ZNF484: variants seen among roughly 807,000 people sequenced by gnomAD.
ZNF484 encodes KRAB box containing C2H2 type zinc finger bA526D8.4.
A neutral mutation model predicts 12.9 loss-of-function variants in ZNF484; 11 were observed. That is an observed-to-expected ratio of 0.85 (90% confidence interval 0.54 to 1.41). The LOEUF (loss-of-function observed/expected upper bound fraction) is 1.41, where lower values mean the gene tolerates loss of function less well. Ranked by LOEUF, ZNF484 falls within the 40% of genes most tolerant of loss-of-function variation. The probability of loss-of-function intolerance (pLI) is 0.00; values close to 1 mark genes in which losing one functional copy is unlikely to be tolerated. For missense variants in ZNF484, 807 were observed against 1,007.7 expected (o/e 0.80, Z 2.70); for synonymous variants, 289 against 334.1 (o/e 0.86, Z 1.47).
chr9:92,868,063 G>A (rs1392732268), intron 2 of ZNF484, among the ~76,000 whole-genome samples: 2 of 152,210 alleles, frequency 1.3e-5, no homozygotes, highest in East Asian at 1.9e-4. Flanking sequence ...GTATTCTTTG[G>A]CCTTAAAACA....
rs1857936691 is a variant in ZNF484, at chr9:92,877,905, G to A, written c.-46C>T. On this transcript the variant is annotated 5_prime_UTR_variant, in exon 1 of 5. The change creates a new upstream start codon in the 5' untranslated region. Transcript: ENST00000375495. ...CTCTACTCACCTGCCCCTCACCCAC[G>A]TCCTCTCAGGACAGTGGTCATTTGC... is the stretch of plus-strand genomic sequence containing the variant. 1 of 1,529,602 alleles carries A rather than the reference G, an allele frequency of 6.5e-7. No individual in the cohort carries two copies. The highest frequency in any genetic ancestry group is 8.8e-7 in the Non-Finnish European group (1 of 1,141,492). 94.8% of individuals were successfully genotyped at this position (1,529,602 alleles called of 1,614,324 possible).
At chr9:92,853,533 A>G (rs1339792778) in intron 4 of ZNF484, among the ~76,000 whole-genome samples, 5 of 152,214 alleles carry the variant, frequency 3.3e-5, no homozygotes, top group South Asian at 2.1e-4. Context: ...CCATGAGCCA[A>G]TTATCACTCA....
At chr9:92,858,652 G>A (rs1856605123) in intron 2 of ZNF484, among the ~76,000 whole-genome samples, 2 of 152,140 alleles carry the variant, frequency 1.3e-5, no homozygotes, top group Admixed American at 6.6e-5. Context: ...GAATTAAAGT[G>A]TTTTATAAAG....
chr9:92,866,003 T>A (rs113823144), intron 2 of ZNF484, among the ~76,000 whole-genome samples: 1,792 of 152,342 alleles, frequency 0.012, 18 homozygotes, highest in Non-Finnish European at 0.019. Flanking sequence ...TAAAAATAAA[T>A]GAAAATAAAA....
At chr9:92,868,903 T>G (rs1465344303) in intron 2 of ZNF484, among the ~76,000 whole-genome samples, 1 of 152,148 alleles carries the variant, frequency 6.6e-6, no homozygotes, top group African/African-American at 2.4e-5. Context: ...TTTATTTATT[T>G]TTGTAAGAAA....
At chr9:92,863,750 G>A (rs748002140) in intron 2 of ZNF484, among the ~76,000 whole-genome samples, 2 of 152,172 alleles carry the variant, frequency 1.3e-5, no homozygotes, top group Non-Finnish European at 2.9e-5. Context: ...CTTATGTTTT[G>A]CACATATTGA....
At chr9:92,849,834 C>T (rs544346635) in intron 4 of ZNF484, among the ~76,000 whole-genome samples, 3 of 151,766 alleles carry the variant, frequency 2.0e-5, no homozygotes, top group South Asian at 4.2e-4. Context: ...CAGGGTCTCA[C>T]TCTGTTGCTC....
intron 1 of ZNF484, among the ~76,000 whole-genome samples, chr9:92,877,338 C>T (rs773288469): frequency 1.2e-4 from 18 of 151,788 alleles, no homozygotes; most frequent in South Asian, 2.1e-4. Flanking sequence ...AACAGATAAA[C>T]CTTTCAGACG....
intron 2 of ZNF484, among the ~76,000 whole-genome samples, chr9:92,871,796 A>G (rs1857447683): frequency 6.6e-6 from 1 of 152,246 alleles, no homozygotes; most frequent in Non-Finnish European, 1.5e-5. Flanking sequence ...GAAATTGTGA[A>G]TATGTTAGGT....
Position 92,847,523 on chromosome 9 carries a change from T to A in ZNF484, c.1264A>T (p.Ile422Phe), listed in dbSNP as rs761030688. The A allele has an allele frequency of 6.2e-7, 1 of 1,613,476 alleles. No individual in the cohort carries two copies. Among genetic ancestry groups the A allele is most frequent in the Admixed American group, 1.7e-5 (1 of 59,906 alleles). ...TGTGTGATAAAATGTGACTTCCGGA[T>A]AAAGGCCTTCCCACATTCAGTACAT... ...YVCTECGKAFIRKSHFITHER... is the reference protein window; with the variant it reads ...YVCTECGKAFFRKSHFITHER... Residue 422 changes from isoleucine (I) to phenylalanine (F), a missense_variant, in exon 5 of 5, where the codon ATC (isoleucine) becomes TTC (phenylalanine). Ile to Phe is a conservative substitution (Grantham distance 21). Transcript: ENST00000375495.
intron 2 of ZNF484, 117 bp downstream of exon 2, chr9:92,874,898 C>T: frequency 1.0e-6 from 1 of 992,188 alleles, no homozygotes; most frequent in Non-Finnish European, 1.5e-6. Flanking sequence ...TTTATCTGAT[C>T]TTAGTTTTTA....
intron 3 of ZNF484, 118 bp from the exon 4 acceptor site, chr9:92,856,021 T>C: frequency 7.1e-7 from 1 of 1,407,796 alleles, no homozygotes; most frequent in Non-Finnish European, 9.8e-7. Context: ...CGAAAGAGAT[T>C]ATTAAGAACA....
chr9:92,846,717 C>G lies in ZNF484; in HGVS notation c.2070G>C (p.Arg690Ser). Reference protein sequence around the residue: ...HIHQQSHTGERHYECSECGKA... With the variant: ...HIHQQSHTGESHYECSECGKA... The stretch of plus-strand genomic sequence containing the variant: ...TCCCACATTCACTGCACTCATAATG[C>G]CTTTCTCCAGTATGGGATTGCTGAT... The change falls in exon 5 of 5, where the codon AGG becomes AGC. Residue 690 changes from arginine (R) to serine (S), a missense_variant. Transcript: ENST00000375495. 1 of 1,612,166 alleles carries G rather than the reference C, an allele frequency of 6.2e-7. No individual in the cohort carries two copies. Among genetic ancestry groups the G allele is most frequent in the Non-Finnish European group, 8.5e-7 (1 of 1,179,402 alleles).
intron 2 of ZNF484, among the ~76,000 whole-genome samples, chr9:92,859,864 A>G (rs573079321): frequency 6.6e-6 from 1 of 152,362 alleles, no homozygotes; most frequent in Non-Finnish European, 1.5e-5. Flanking sequence ...TGCAGTGTCA[A>G]TGAGAGTTCC....
At chr9:92,857,037 T>A (rs1564107021) in intron 2 of ZNF484, among the ~76,000 whole-genome samples, 1 of 152,188 alleles carries the variant, frequency 6.6e-6, no homozygotes, top group Admixed American at 6.5e-5. Context: ...TATGGTACAC[T>A]TTAAATGGTA....
rs1855844440 is a variant in ZNF484 at position 92,848,483 on chromosome 9, TAATCTC to T, written c.298_303del (p.Glu100_Ile101del). On this transcript the variant is annotated inframe_deletion, in exon 5 of 5. Transcript: ENST00000375495. The surrounding 1 kb of genome is among the most constrained non-coding windows in gnomAD (Gnocchi z 4.1). ...TCATCTCTTGTGAAGAGATTAATAT[TAATCTC>T]AGACTGGAAAGAAACTTCTTCAGAC... 6.2e-7 allele frequency: 1 copy of T among 1,612,820 alleles called. No homozygotes were observed. The highest frequency in any genetic ancestry group is 2.2e-5 in the East Asian group (1 of 44,880).
intron 4 of ZNF484, among the ~76,000 whole-genome samples, chr9:92,853,656 A>C (rs1296247440): frequency 2.0e-5 from 3 of 152,214 alleles, no homozygotes; most frequent in Non-Finnish European, 4.4e-5. Context: ...CTGCCTCTAA[A>C]TGTCCATGAT....
chr9:92,847,871 T>A lies in ZNF484; in HGVS notation c.916A>T (p.Thr306Ser). The A allele has an allele frequency of 6.2e-7, 1 of 1,614,226 alleles. No individual in the cohort carries two copies. The highest frequency in any genetic ancestry group is 1.3e-5 in the African/African-American group (1 of 75,058). ...GSQRVYAGIC[T>S]EYEKDFSLKS... is the part of the protein sequence containing the mutation. Reference sequence around the variant, plus strand: ...AGGGAAAAATCCTTCTCATATTCAGTGCATATTCCTGCATAAACCCTCTGA... The same window carrying A: ...AGGGAAAAATCCTTCTCATATTCAGAGCATATTCCTGCATAAACCCTCTGA... The change falls in exon 5 of 5, where the codon ACT becomes TCT. Residue 306 changes from threonine to serine, a missense_variant. Thr to Ser is a moderately conservative substitution (Grantham distance 58, BLOSUM62 1). Coordinates refer to ENST00000375495, the MANE Select transcript of ZNF484 (RefSeq NM_031486.4).
In ZNF484 at chr9:92,846,404, G is replaced by A. The variant is rs1337400244; in HGVS notation, c.2383C>T (p.Gln795Ter). 6.2e-6 allele frequency: 10 copies of A among 1,614,066 alleles called. No individual in the cohort carries two copies. Among genetic ancestry groups the A allele is most frequent in the Non-Finnish European group, 7.6e-6 (9 of 1,179,990 alleles). ...GGTTTCTGTTTAGTATGAATTTTCT[G>A]GTGTTTAATAAGATTTGATCTGATG... The part of the protein sequence containing the change: ...FTIRSNLIKH[Q>*]KIHTKQKPYK... Residue 795 changes from glutamine to a stop codon, truncating the protein, a stop_gained, in exon 5 of 5, where the codon CAG (glutamine) becomes TAG (stop). Coordinates refer to ENST00000375495, the MANE Select transcript of ZNF484 (RefSeq NM_031486.4). LOFTEE classifies it low-confidence loss of function (END_TRUNC).
Sources: gnomAD v4.1 joint callset for allele counts (sites outside exome capture counted in the v4.1 genomes callset) on GRCh38, gnomAD v4.1.1 for gene constraint, Gnocchi (gnomAD v3.1) non-coding constraint, MANE v1.5 for transcripts, NCBI Gene and HGNC (gene_info 2026-07-23, HGNC 2026-07-21) for gene names.